Variants in IQSEC1 observed in about 807,000 individuals in gnomAD.
The protein encoded by IQSEC1 is IQ motif and Sec7 domain ArfGEF 1.
In IQSEC1, 31 loss-of-function variants were observed where a neutral mutation model predicts 91.0. That is an observed-to-expected ratio of 0.34 (90% CI 0.26 to 0.46). The LOEUF is 0.46. IQSEC1 is among the 20% of genes least tolerant of loss of function. The pLI, the probability that IQSEC1 is intolerant of heterozygous loss-of-function variation, is 1.00. For synonymous variants in IQSEC1, 699 were observed against 662.6 expected, an observed-to-expected ratio of 1.05 and a Z score of -0.84; for missense variants, 1,388 against 1,575.6, an observed-to-expected ratio of 0.88 and a Z score of 2.02.
intron 1 of IQSEC1, among the ~76,000 whole-genome samples, chr3:13,276,164 C>A (rs369003856): frequency 7.3e-6 from 1 of 137,586 alleles, no homozygotes; most frequent in Non-Finnish European, 1.5e-5. Context: ...TCTCGGCTCA[C>A]TGCAAGCTCT....
chr3:13,196,463 C>T (rs903565869), intron 1 of IQSEC1, among the ~76,000 whole-genome samples: 2 of 152,210 alleles, frequency 1.3e-5, no homozygotes, highest in African/African-American at 2.4e-5. Context: ...CCTCCTCAAC[C>T]GAGGGCTCAA....
chr3:12,963,605 G>C lies in IQSEC1; in HGVS notation c.24-21740C>G, dbSNP rs541569191. ...CACATCCCCCACCCCCTCCCCAGGG[G>C]TTTCTTTTGGCTCCATTTCATGGAT... On this transcript the variant is annotated intron_variant, in intron 1 of 13. Coordinates refer to ENST00000613206, the MANE Select transcript of IQSEC1 (RefSeq NM_001134382.3). 3.9e-5 allele frequency among the ~76,000 whole-genome samples: 6 copies of C among 152,320 alleles called. No homozygotes were observed. The South Asian group carries it at 1.2e-3, about 32-fold the overall frequency.
intron 2 of IQSEC1, among the ~76,000 whole-genome samples, chr3:13,118,485 G>A (rs779283897): frequency 2.0e-5 from 3 of 152,202 alleles, no homozygotes; most frequent in Non-Finnish European, 4.4e-5. Flanking sequence ...GCCTTAAAAG[G>A]AAGGGATTTC....
intron 2 of IQSEC1, among the ~76,000 whole-genome samples, chr3:13,079,808 T>G (rs1348920664): frequency 2.0e-5 from 3 of 152,222 alleles, no homozygotes; most frequent in Non-Finnish European, 4.4e-5. Flanking sequence ...GTCACAATAC[T>G]GAGCGAACAT....
intron 3 of IQSEC1, among the ~76,000 whole-genome samples, chr3:12,928,671 G>A (rs1045454645): frequency 2.5e-4 from 38 of 152,312 alleles, no homozygotes; most frequent in Admixed American, 2.2e-3. Context: ...CTGCTGGGTG[G>A]TGAATTCTCC....
chr3:13,249,662 A>T (rs1695162163), intron 1 of IQSEC1, among the ~76,000 whole-genome samples: 1 of 152,016 alleles, frequency 6.6e-6, no homozygotes, highest in Non-Finnish European at 1.5e-5. Flanking sequence ...CCCTAGGCAA[A>T]CCACTCCATC....
At chr3:12,953,676 C>A (rs1699713993) in intron 1 of IQSEC1, among the ~76,000 whole-genome samples, 1 of 152,212 alleles carries the variant, frequency 6.6e-6, no homozygotes, top group Admixed American at 6.5e-5. Context: ...GCCACCCAAC[C>A]ACATGAAGGA....
upstream of IQSEC1, among the ~76,000 whole-genome samples, chr3:13,074,817 G>A (rs1337032634): frequency 2.0e-5 from 3 of 152,222 alleles, no homozygotes; most frequent in Non-Finnish European, 4.4e-5. Context: ...GAATTTAGAA[G>A]GAGTGATGCT....
intron 1 of IQSEC1, among the ~76,000 whole-genome samples, chr3:13,252,135 C>T (rs1695205054): frequency 6.6e-6 from 1 of 152,196 alleles, no homozygotes; most frequent in South Asian, 2.1e-4. Context: ...TCACTACCAT[C>T]CATCTCCAGG....
chr3:13,269,643 T>C (rs1695559445), intron 1 of IQSEC1, among the ~76,000 whole-genome samples: 1 of 152,016 alleles, frequency 6.6e-6, no homozygotes, highest in South Asian at 2.1e-4. Flanking sequence ...AAAGTGATCC[T>C]CCACAGACAG....
chr3:13,230,788 C>G (rs1694827738), intron 1 of IQSEC1, among the ~76,000 whole-genome samples: 1 of 152,222 alleles, frequency 6.6e-6, no homozygotes, highest in East Asian at 1.9e-4. Context: ...ATTTTTCATT[C>G]AGAATAGAAT....
upstream of IQSEC1, among the ~76,000 whole-genome samples, chr3:13,076,964 A>G (rs1705572225): frequency 6.6e-6 from 1 of 151,890 alleles, no homozygotes; most frequent in South Asian, 2.1e-4. Flanking sequence ...ATATATGCCT[A>G]TAGAAAATAG....
In IQSEC1 at chr3:13,051,621, A is replaced by T. The variant is rs1328638864; in HGVS notation, c.23+21371T>A. 4.6e-5 allele frequency among the ~76,000 whole-genome samples: 7 copies of T among 152,202 alleles called. No individual in the cohort carries two copies. In the East Asian group the frequency reaches 1.3e-3, roughly 29 times the overall value. On this transcript the variant is annotated intron_variant, in intron 1 of 13. Coordinates refer to ENST00000613206, the MANE Select transcript of IQSEC1 (RefSeq NM_001134382.3). ...ATATAATAATTCAGTATCAATTTAC[A>T]CGAAGACAAAAACCAAACCGTCTGC...
intron 1 of IQSEC1, among the ~76,000 whole-genome samples, chr3:13,252,594 T>C (rs1695213202): frequency 6.6e-6 from 1 of 152,228 alleles, no homozygotes; most frequent in South Asian, 2.1e-4. Context: ...GGTGAGTCTA[T>C]GTTTAATTTT....
chr3:12,961,523 G>A (rs1160803819), intron 1 of IQSEC1, among the ~76,000 whole-genome samples: 1 of 152,168 alleles, frequency 6.6e-6, no homozygotes, highest in Non-Finnish European at 1.5e-5. Flanking sequence ...TACTGTGTCT[G>A]CCATCTGTCA....
intron 1 of IQSEC1, among the ~76,000 whole-genome samples, chr3:13,009,058 C>T (rs956500189): frequency 6.6e-6 from 1 of 152,360 alleles, no homozygotes; most frequent in East Asian, 1.9e-4. Context: ...GGTTCCAAGG[C>T]TGTGATTCCG....
chr3:13,252,532 C>T (rs891063526), intron 1 of IQSEC1, among the ~76,000 whole-genome samples: 18 of 152,256 alleles, frequency 1.2e-4, no homozygotes, highest in African/African-American at 3.9e-4. Flanking sequence ...TTCGACGCCC[C>T]GCGTTCAATT....
chr3:13,112,392 G>C (rs1159334720), intron 2 of IQSEC1, among the ~76,000 whole-genome samples: 1 of 152,246 alleles, frequency 6.6e-6, no homozygotes, highest in Non-Finnish European at 1.5e-5. Flanking sequence ...GGTAACACCT[G>C]CCAACAGTCC....
intron 1 of IQSEC1, among the ~76,000 whole-genome samples, chr3:13,205,190 C>G (rs906661674): frequency 1.3e-5 from 2 of 152,104 alleles, no homozygotes; most frequent in African/African-American, 4.8e-5. Context: ...ACATCTCCCA[C>G]CCCATCCTGA....
Sources: allele counts gnomAD v4.1 joint callset (sites outside exome capture counted in the v4.1 genomes callset), GRCh38; gene constraint gnomAD v4.1.1; transcripts MANE v1.5; gene names NCBI Gene and HGNC (gene_info 2026-07-23, HGNC 2026-07-21).